DDHD1: variants seen among roughly 807,000 people sequenced by gnomAD.
The protein encoded by DDHD1 is DDHD domain containing 1.
Under a neutral mutation model 96.4 loss-of-function variants are expected in DDHD1, and 49 were observed. That is an observed-to-expected ratio of 0.51 (90% CI 0.40 to 0.64). The LOEUF (loss-of-function observed/expected upper bound fraction) is 0.64, where lower values mean the gene tolerates loss of function less well. Ranked by LOEUF, DDHD1 falls within the 30% of genes least tolerant of loss-of-function variation. The pLI, the probability that DDHD1 is intolerant of heterozygous loss-of-function variation, is 0.00. For synonymous variants in DDHD1, 442 were observed against 446.5 expected (o/e 0.99, Z 0.13); for missense variants, 1,106 against 1,161.2 (o/e 0.95, Z 0.69).
intron 12 of DDHD1, among the ~76,000 whole-genome samples, chr14:53,050,793 T>G (rs1882475581): frequency 6.6e-6 from 1 of 152,102 alleles, no homozygotes; most frequent in African/African-American, 2.4e-5. Flanking sequence ...TCATTTTGTG[T>G]AGTTATGACT....
chr14:53,093,421 G>A lies in DDHD1; in HGVS notation c.1036C>T (p.Arg346Ter), dbSNP rs996382393. 1.2e-6 allele frequency: 2 copies of A among 1,611,320 alleles called. No homozygotes were observed. Among genetic ancestry groups the A allele is most frequent in the Non-Finnish European group, 1.7e-6 (2 of 1,179,186 alleles). Residue 346 changes from arginine (R) to a stop codon, truncating the protein, a stop_gained, in exon 3 of 13, where the codon CGA (arginine) becomes TGA (stop). Transcript: ENST00000673822. LOFTEE classifies it high-confidence loss of function. Reference protein sequence around the residue: ...KDAVHSFKLSRNHVDWHSVDE... With the variant: ...KDAVHSFKLS Reference sequence around the variant, plus strand: ...ACACTGTGCCAGTCCACATGGTTTCGACTCAACTTGAAACTATGAACAGCT... The same window carrying A: ...ACACTGTGCCAGTCCACATGGTTTCAACTCAACTTGAAACTATGAACAGCT...
chr14:53,132,668 T>C (rs1480333626), intron 1 of DDHD1, among the ~76,000 whole-genome samples: 2 of 152,156 alleles, frequency 1.3e-5, no homozygotes, highest in Admixed American at 1.3e-4. Flanking sequence ...CAGAAAGAGG[T>C]TTCCTCACTA....
chr14:53,121,726 G>A lies in DDHD1; in HGVS notation c.839-17870C>T, dbSNP rs553755567. ...CAGTCAAAAGTGGGAGCTGAACAAT[G>A]AGAACACATGGATACAGGGAGGAGA... On this transcript the variant is annotated intron_variant, in intron 1 of 12. Coordinates refer to ENST00000673822, the MANE Select transcript of DDHD1 (RefSeq NM_001160148.2). Among the ~76,000 whole-genome samples, 15 of 152,222 alleles carry A rather than the reference G, an allele frequency of 9.9e-5. 1 individual carries two copies. In the South Asian group the frequency reaches 2.7e-3, roughly 27 times the overall value.
chr14:53,088,568 A>C lies in DDHD1; in HGVS notation c.1289+3217T>G, dbSNP rs546385181. On this transcript the variant is annotated intron_variant, in intron 4 of 12. Transcript: ENST00000673822. ...CACATAACCAGAACCAAAGACAAAAACCATGTAATTATCTCAATAGATGCA... is the reference window on the plus strand; with the variant it reads ...CACATAACCAGAACCAAAGACAAAACCCATGTAATTATCTCAATAGATGCA... Among the ~76,000 whole-genome samples, 5 of 152,364 alleles carry C rather than the reference A, an allele frequency of 3.3e-5. No homozygotes were observed. The South Asian group carries it at 1.0e-3, about 32-fold the overall frequency.
At position 53,093,208 on chromosome 14, in the gene DDHD1, A is replaced by G. The variant is rs1055072989; in HGVS notation, c.1141+108T>C. On this transcript the variant is annotated intron_variant, in intron 3 of 12. Coordinates refer to ENST00000673822, the MANE Select transcript of DDHD1 (RefSeq NM_001160148.2). The stretch of plus-strand genomic sequence containing the variant: ...TAAAAAGGAATCTGTCACTAAATTT[A>G]ATATACTTAAAACATACTAAAAACA... 46 of 1,150,508 alleles carry G rather than the reference A, an allele frequency of 4.0e-5. No homozygotes were observed. The South Asian group carries it at 8.2e-4, about 21-fold the overall frequency. The allele number at this position is 1,150,508 out of a possible 1,614,324, so 71.3% of individuals were successfully genotyped here.
At chr14:53,086,347 T>C (rs1411226842) in intron 4 of DDHD1, among the ~76,000 whole-genome samples, 1 of 152,000 alleles carries the variant, frequency 6.6e-6, no homozygotes, top group Non-Finnish European at 1.5e-5. Flanking sequence ...AGACACATAA[T>C]TGTCAGATTC....
At chr14:53,115,946 T>C (rs1378994336) in intron 1 of DDHD1, among the ~76,000 whole-genome samples, 1 of 151,860 alleles carries the variant, frequency 6.6e-6, no homozygotes, top group East Asian at 1.9e-4. Context: ...CTGGATAGAG[T>C]CAAGACCCAT....
chr14:53,042,987 G>C lies in DDHD1; in HGVS notation c.*3781C>G, dbSNP rs1435896409. ...AAATACCAATCTAATGGATCAAAAA[G>C]AAATTTGTCTTCTACTACAGACTTT... On this transcript the variant is annotated 3_prime_UTR_variant, in exon 13 of 13. Coordinates refer to ENST00000673822, the MANE Select transcript of DDHD1 (RefSeq NM_001160148.2). The C allele has an allele frequency of 6.6e-6, 1 of 152,166 alleles. No homozygotes were observed. Among genetic ancestry groups the C allele is most frequent in the Non-Finnish European group, 1.5e-5 (1 of 68,010 alleles). The allele number at this position is 152,166 out of a possible 1,614,324, so 9.4% of individuals were successfully genotyped here. A position where few individuals can be genotyped will look rare whatever the true frequency, so the allele number is the denominator to read the frequency against.
chr14:53,144,648 G>A (rs1890855957), intron 1 of DDHD1, among the ~76,000 whole-genome samples: 1 of 152,224 alleles, frequency 6.6e-6, no homozygotes, highest in Admixed American at 6.5e-5. Flanking sequence ...AAGTAGGTGT[G>A]TCAGGTACAC....
At chr14:53,091,524 C>G (rs1886425466) in intron 4 of DDHD1, among the ~76,000 whole-genome samples, 1 of 152,158 alleles carries the variant, frequency 6.6e-6, no homozygotes, top group African/African-American at 2.4e-5. Context: ...TATAAATTAA[C>G]TTAATGTATT....
chr14:53,139,089 AACCACAC>A (rs1191104860), intron 1 of DDHD1, among the ~76,000 whole-genome samples: 5 of 91,684 alleles, frequency 5.5e-5, no homozygotes, highest in Admixed American at 1.4e-4. Flanking sequence ...AAAAAAAAAA[AACCACAC>A]CCACACCCAC....
intron 1 of DDHD1, among the ~76,000 whole-genome samples, chr14:53,127,282 C>T (rs2139823370): frequency 6.6e-6 from 1 of 152,250 alleles, no homozygotes; most frequent in South Asian, 2.1e-4. Context: ...ATCGTGTAAA[C>T]AGTGAAGTTG....
chr14:53,148,904 T>TAC (rs1891171914), intron 1 of DDHD1, among the ~76,000 whole-genome samples: 1 of 152,220 alleles, frequency 6.6e-6, no homozygotes, highest in Admixed American at 6.5e-5. Context: ...ATAAGGATGT[T>TAC]ACATATAATA....
intron 1 of DDHD1, among the ~76,000 whole-genome samples, chr14:53,145,019 G>A (rs545476142): frequency 5.3e-5 from 8 of 152,190 alleles, no homozygotes; most frequent in Admixed American, 1.3e-4. Flanking sequence ...GCGTGATGGC[G>A]CTGGCCTGTG....
chr14:53,059,283 C>T (rs546810912), intron 8 of DDHD1, among the ~76,000 whole-genome samples: 41 of 152,150 alleles, frequency 2.7e-4, no homozygotes, highest in Non-Finnish European at 4.1e-4. Context: ...CTCGCTCTGT[C>T]ACCCAGGCTG....
At chr14:53,145,121 G>C (rs185118121) in intron 1 of DDHD1, among the ~76,000 whole-genome samples, 1 of 152,244 alleles carries the variant, frequency 6.6e-6, no homozygotes, top group African/African-American at 2.4e-5. Context: ...CTGCACTCTA[G>C]CCTGGACAAC....
intron 1 of DDHD1, among the ~76,000 whole-genome samples, chr14:53,141,675 T>C (rs939389935): frequency 6.6e-6 from 1 of 152,218 alleles, no homozygotes; most frequent in African/African-American, 2.4e-5. Context: ...GTCTTCATCT[T>C]AGCTAGAAAG....
chr14:53,076,544 T>C (rs1884975079), intron 4 of DDHD1, among the ~76,000 whole-genome samples: 1 of 152,204 alleles, frequency 6.6e-6, no homozygotes, highest in Non-Finnish European at 1.5e-5. Flanking sequence ...TGCCATAAAC[T>C]TAGTTGATAA....
At chr14:53,061,980 A>G (rs1883601121) in intron 7 of DDHD1, among the ~76,000 whole-genome samples, 1 of 144,318 alleles carries the variant, frequency 6.9e-6, no homozygotes, top group South Asian at 2.2e-4. Flanking sequence ...GGTTGTAGTG[A>G]GCTGAGACCG....
Sources: allele counts gnomAD v4.1 joint callset (sites outside exome capture counted in the v4.1 genomes callset), GRCh38; gene constraint gnomAD v4.1.1; transcripts MANE v1.5; gene names NCBI Gene and HGNC (gene_info 2026-07-23, HGNC 2026-07-21).